PPP1R14C: variants seen among roughly 807,000 people sequenced by gnomAD.
The protein encoded by PPP1R14C is protein phosphatase 1 regulatory subunit 14C.
Under a neutral mutation model 20.4 loss-of-function variants are expected in PPP1R14C, and 16 were observed. The observed-to-expected ratio is 0.78, with a 90% CI of 0.53 to 1.19. The LOEUF is 1.19. Among genes scored for constraint, PPP1R14C ranks in the 50% most tolerant of loss-of-function variants. PPP1R14C has a pLI of 0.00. For missense variants in PPP1R14C, 211 were observed against 220.1 expected, an observed-to-expected ratio of 0.96 and a Z score of 0.26; for synonymous variants, 91 against 91.0, an observed-to-expected ratio of 1.00 and a Z score of 0.00.
At position 150,164,998 on chromosome 6, in the gene PPP1R14C, G is replaced by T. The variant is rs193187774; in HGVS notation, c.306+21500G>T. Among the ~76,000 whole-genome samples, 7 of 152,314 alleles carry T rather than the reference G, an allele frequency of 4.6e-5. No homozygotes were observed. The East Asian group carries it at 7.7e-4, about 17-fold the overall frequency. ...TAGCCATCTGCAAACCAGGAAGCTG[G>T]CTCTCACCAGACATAGGATCTGTGT... On this transcript the variant is annotated intron_variant, in intron 1 of 3. Transcript: ENST00000361131.
chr6:150,235,074 G>C (rs1351062822), intron 3 of PPP1R14C, among the ~76,000 whole-genome samples: 1 of 152,154 alleles, frequency 6.6e-6, no homozygotes, highest in Non-Finnish European at 1.5e-5. Flanking sequence ...CTTTGGTGGT[G>C]ATGGAAATGT....
intron 3 of PPP1R14C, among the ~76,000 whole-genome samples, chr6:150,222,765 C>CTTCT (rs34248067): frequency 2.8e-5 from 2 of 71,278 alleles, no homozygotes; most frequent in East Asian, 1.1e-3. Context: ...TTCAAACTGG[C>CTTCT]TTTTTTTTTT....
At chr6:150,240,095 A>G (rs1778413455) in intron 3 of PPP1R14C, among the ~76,000 whole-genome samples, 1 of 152,126 alleles carries the variant, frequency 6.6e-6, no homozygotes, top group Admixed American at 6.5e-5. Context: ...AAAGAAAATC[A>G]GTGAAACAAA....
chr6:150,192,915 G>C (rs956417048), intron 1 of PPP1R14C, among the ~76,000 whole-genome samples: 4 of 152,094 alleles, frequency 2.6e-5, no homozygotes, highest in African/African-American at 9.7e-5. Context: ...TCCATGGCCT[G>C]GGTCTTGGGA....
intron 3 of PPP1R14C, among the ~76,000 whole-genome samples, chr6:150,244,179 A>AAC (rs895257203): frequency 2.0e-5 from 3 of 151,564 alleles, no homozygotes; most frequent in Non-Finnish European, 2.9e-5. Context: ...AAAAAAAAAA[A>AAC]AACTCACTGG....
chr6:150,239,668 G>T (rs535365597), intron 3 of PPP1R14C, among the ~76,000 whole-genome samples: 1 of 152,232 alleles, frequency 6.6e-6, no homozygotes, highest in South Asian at 2.1e-4. Flanking sequence ...TTCCACCTTA[G>T]GAACCAGGAA....
intron 1 of PPP1R14C, among the ~76,000 whole-genome samples, chr6:150,160,905 C>T (rs1777359647): frequency 6.6e-6 from 1 of 152,038 alleles, no homozygotes; most frequent in African/African-American, 2.4e-5. Context: ...CTAGGCTTAT[C>T]TTGTATGTTT....
intron 3 of PPP1R14C, among the ~76,000 whole-genome samples, chr6:150,220,521 A>G (rs1328160336): frequency 6.6e-6 from 1 of 152,202 alleles, no homozygotes; most frequent in Non-Finnish European, 1.5e-5. Flanking sequence ...ATGATGAATG[A>G]TGTAGATGAA....
chr6:150,148,582 A>C (rs1777204480), intron 1 of PPP1R14C, among the ~76,000 whole-genome samples: 1 of 152,226 alleles, frequency 6.6e-6, no homozygotes, highest in Admixed American at 6.5e-5. Flanking sequence ...TTCCAGGTAC[A>C]GTATCACATC....
intron 1 of PPP1R14C, among the ~76,000 whole-genome samples, chr6:150,209,545 G>A (rs1777994688): frequency 6.6e-6 from 1 of 151,602 alleles, no homozygotes. Context: ...TGTATGAATG[G>A]TGTGGAGTGT....
intron 1 of PPP1R14C, among the ~76,000 whole-genome samples, chr6:150,155,455 C>T (rs548906723): frequency 2.6e-5 from 4 of 152,096 alleles, no homozygotes; most frequent in East Asian, 3.9e-4. Context: ...AATGAGAAAA[C>T]GGGGAGGCTC....
At chr6:150,146,218 CAGAG>C (rs1324406745) in intron 1 of PPP1R14C, among the ~76,000 whole-genome samples, 2 of 152,088 alleles carry the variant, frequency 1.3e-5, no homozygotes, top group Non-Finnish European at 2.9e-5. Flanking sequence ...AGTGAAGACT[CAGAG>C]AGGATTAAAA....
At chr6:150,245,901 T>G (rs1778484358) in intron 3 of PPP1R14C, among the ~76,000 whole-genome samples, 1 of 152,224 alleles carries the variant, frequency 6.6e-6, no homozygotes, top group Admixed American at 6.5e-5. Flanking sequence ...TTATGCAAAT[T>G]TAATGAGCAG....
chr6:150,232,255 A>G (rs1187677724), intron 3 of PPP1R14C, among the ~76,000 whole-genome samples: 2 of 151,612 alleles, frequency 1.3e-5, no homozygotes, highest in African/African-American at 4.9e-5. Context: ...ATCTTTGCCC[A>G]CTTTTCTTTT....
intron 3 of PPP1R14C, among the ~76,000 whole-genome samples, chr6:150,244,720 C>T (rs1040080817): frequency 6.6e-5 from 10 of 152,160 alleles, no homozygotes; most frequent in African/African-American, 1.4e-4. Flanking sequence ...TAGTGGCTAC[C>T]GTATTGAATA....
intron 1 of PPP1R14C, among the ~76,000 whole-genome samples, chr6:150,210,523 A>G (rs945559307): frequency 6.6e-6 from 1 of 152,084 alleles, no homozygotes. Flanking sequence ...CAGTGGGGCC[A>G]TCTCTTCCTT....
intron 1 of PPP1R14C, among the ~76,000 whole-genome samples, chr6:150,186,230 C>T (rs1438743799): frequency 1.3e-5 from 2 of 152,192 alleles, no homozygotes; most frequent in Non-Finnish European, 2.9e-5. Flanking sequence ...TTCCAGGAAG[C>T]TTAGCAAACA....
intron 1 of PPP1R14C, among the ~76,000 whole-genome samples, chr6:150,199,789 A>G (rs939231085): frequency 2.0e-5 from 3 of 151,966 alleles, no homozygotes; most frequent in Non-Finnish European, 4.4e-5. Context: ...GGATCGCTGG[A>G]GCCCAGGAGT....
In PPP1R14C at chr6:150,143,106, G is replaced by T. The variant is rs1046125525; in HGVS notation, c.-87G>T. On this transcript the variant is annotated 5_prime_UTR_variant, in exon 1 of 4. Transcript: ENST00000361131. This position sits in a 1 kb window ranked among gnomAD's most constrained non-coding sequence, Gnocchi z 5.6. The stretch of plus-strand genomic sequence containing the variant: ...AGGTGCCGGGGAGCCCTTCGCATGC[G>T]GCTGCCGGGCCGGAGGTGGTAGCGG... 2.6e-6 allele frequency: 3 copies of T among 1,151,364 alleles called. No individual in the cohort carries two copies. The highest frequency in any genetic ancestry group is 3.3e-5 in the African/African-American group (2 of 61,190). 71.3% of individuals were successfully genotyped at this position (1,151,364 alleles called of 1,614,324 possible). A position where few individuals can be genotyped will look rare whatever the true frequency, so the allele number is the denominator to read the frequency against.
Sources: gnomAD v4.1 joint callset for allele counts (sites outside exome capture counted in the v4.1 genomes callset) on GRCh38, gnomAD v4.1.1 for gene constraint, Gnocchi (gnomAD v3.1) non-coding constraint, MANE v1.5 for transcripts, NCBI Gene and HGNC (gene_info 2026-07-23, HGNC 2026-07-21) for gene names.